FRMD4A: variants seen among roughly 807,000 people sequenced by gnomAD.
The protein encoded by FRMD4A is FERM domain-containing protein 4A.
Under a neutral mutation model 129.1 loss-of-function variants are expected in FRMD4A, and 29 were observed. That is an observed-to-expected ratio of 0.22 (90% confidence interval 0.17 to 0.31). The LOEUF (loss-of-function observed/expected upper bound fraction) is 0.31. Ranked by LOEUF, FRMD4A falls within the 10% of genes least tolerant of loss-of-function variation. The pLI is 1.00. For missense variants in FRMD4A, 1,272 were observed against 1,375.8 expected (o/e 0.92, Z 1.19); for synonymous variants, 634 against 571.6 (o/e 1.11, Z -1.56).
intron 15 of FRMD4A, chr10:13,685,016 A>T: frequency 1.0e-6 from 1 of 984,378 alleles, no homozygotes; most frequent in Non-Finnish European, 1.2e-6. Flanking sequence ...TATTTCCTTG[A>T]CAAATCCTCA....
At chr10:14,165,655 C>G (rs1027601165) in intron 2 of FRMD4A, among the ~76,000 whole-genome samples, 2 of 152,170 alleles carry the variant, frequency 1.3e-5, no homozygotes, top group South Asian at 2.1e-4. Flanking sequence ...TACATATACA[C>G]CATAGAATAC....
At chr10:13,971,169 C>T (rs1271551692) in intron 2 of FRMD4A, among the ~76,000 whole-genome samples, 3 of 152,166 alleles carry the variant, frequency 2.0e-5, no homozygotes, top group Non-Finnish European at 4.4e-5. Context: ...CACAGGCACA[C>T]ACATGCATGC....
intron 4 of FRMD4A, among the ~76,000 whole-genome samples, chr10:13,804,490 G>A (rs2093321721): frequency 6.7e-6 from 1 of 150,126 alleles, no homozygotes; most frequent in Non-Finnish European, 1.5e-5. Context: ...CCTGGCAGTG[G>A]TTCTAAAGAT....
intron 2 of FRMD4A, among the ~76,000 whole-genome samples, chr10:14,023,181 C>T (rs187728231): frequency 2.6e-5 from 4 of 152,164 alleles, no homozygotes; most frequent in Non-Finnish European, 5.9e-5. Flanking sequence ...CCCTTCTGGA[C>T]GCATTCCTCC....
intron 14 of FRMD4A, among the ~76,000 whole-genome samples, chr10:13,695,574 T>C (rs954307587): frequency 6.6e-6 from 1 of 152,238 alleles, no homozygotes; most frequent in African/African-American, 2.4e-5. Context: ...TTTGTGAGTG[T>C]GCTGAAGGCA....
chr10:14,054,552 A>G (rs1419223999), intron 2 of FRMD4A, among the ~76,000 whole-genome samples: 2 of 151,952 alleles, frequency 1.3e-5, no homozygotes, highest in East Asian at 3.9e-4. Flanking sequence ...AGTCTTCTAC[A>G]CAGCCAGCAT....
intron 15 of FRMD4A, chr10:13,684,845 G>A: frequency 1.0e-6 from 1 of 980,178 alleles, no homozygotes; most frequent in Middle Eastern, 5.2e-4. Flanking sequence ...GAAGGGAAAT[G>A]ACAATCCGTC....
intron 2 of FRMD4A, among the ~76,000 whole-genome samples, chr10:13,956,022 C>T (rs2095408091): frequency 6.6e-6 from 1 of 152,144 alleles, no homozygotes; most frequent in Non-Finnish European, 1.5e-5. Context: ...AGGGATCTTC[C>T]TAGAAAGGCA....
intron 2 of FRMD4A, among the ~76,000 whole-genome samples, chr10:14,116,918 G>GT (rs199633998): frequency 0.01 from 1,594 of 152,318 alleles, 21 homozygotes; most frequent in African/African-American, 0.036. Context: ...TTCTTGGTTT[G>GT]TTTTTGGTTA....
chr10:14,126,078 T>C (rs1838823017), intron 2 of FRMD4A, among the ~76,000 whole-genome samples: 1 of 151,914 alleles, frequency 6.6e-6, no homozygotes, highest in Non-Finnish European at 1.5e-5. Flanking sequence ...CGTCCAACCA[T>C]ACAATTGTCC....
At chr10:13,981,080 A>G (rs975646400) in intron 2 of FRMD4A, among the ~76,000 whole-genome samples, 7 of 152,340 alleles carry the variant, frequency 4.6e-5, no homozygotes, top group African/African-American at 1.4e-4. Flanking sequence ...AGATAAAAAT[A>G]TATGCATTTG....
At chr10:13,994,782 C>T (rs2095616613) in intron 2 of FRMD4A, among the ~76,000 whole-genome samples, 1 of 152,160 alleles carries the variant, frequency 6.6e-6, no homozygotes, top group African/African-American at 2.4e-5. Context: ...GATCCAGGAA[C>T]ACCGGCCCTG....
intron 2 of FRMD4A, among the ~76,000 whole-genome samples, chr10:14,329,829 T>G (rs1340711342): frequency 6.6e-6 from 1 of 152,230 alleles, no homozygotes; most frequent in Admixed American, 6.5e-5. Context: ...GCTCTCAAAA[T>G]AGCATTCAGC....
intron 2 of FRMD4A, among the ~76,000 whole-genome samples, chr10:14,200,429 G>C (rs1282081163): frequency 7.2e-6 from 1 of 138,892 alleles, no homozygotes; most frequent in African/African-American, 2.5e-5. Context: ...GAGTAGCTGG[G>C]ACCACAGGCA....
rs571506251 is a variant in FRMD4A, at chr10:14,240,343, G to A, written c.45+89715C>T. Among the ~76,000 whole-genome samples, 328 of 152,188 alleles carry A rather than the reference G, an allele frequency of 2.2e-3. 2 individuals are homozygous for A. Among genetic ancestry groups the A allele is most frequent in the Non-Finnish European group, 2.2e-3 (151 of 68,016 alleles). ...AGTGCTTTCTTTTCCCGGTGTGTGCGTGACATTTCTATCATGTGGCATTCT... is the reference window on the plus strand; with the variant it reads ...AGTGCTTTCTTTTCCCGGTGTGTGCATGACATTTCTATCATGTGGCATTCT... On this transcript the variant is annotated intron_variant, in intron 2 of 24. Transcript: ENST00000357447.
chr10:13,865,949 T>C (rs2094361947), intron 2 of FRMD4A, among the ~76,000 whole-genome samples: 1 of 152,068 alleles, frequency 6.6e-6, no homozygotes, highest in South Asian at 2.1e-4. Flanking sequence ...AGCTGTTTAG[T>C]GAGATGTTCA....
At position 14,302,070 on chromosome 10, in the gene FRMD4A, T is replaced by C. The variant is rs72780831; in HGVS notation, c.45+27988A>G. Among the ~76,000 whole-genome samples the C allele has an allele frequency of 5.9e-3, 891 of 152,292 alleles. 21 individuals are homozygous for C. The South Asian group carries it at 0.063, about 11-fold the overall frequency. On this transcript the variant is annotated intron_variant, in intron 2 of 24. Coordinates refer to ENST00000357447, the MANE Select transcript of FRMD4A (RefSeq NM_018027.5). ...AGCTATGGAATAAATCCCATCGTAA[T>C]GGAAAGGGTTTGATTTTTGTATAGT...
chr10:14,116,186 C>A (rs946236974), intron 2 of FRMD4A, among the ~76,000 whole-genome samples: 4 of 152,164 alleles, frequency 2.6e-5, no homozygotes, highest in African/African-American at 9.7e-5. Context: ...AAATTGCATG[C>A]CTTGCATCAT....
chr10:14,159,824 C>T (rs982169009), intron 2 of FRMD4A, among the ~76,000 whole-genome samples: 4 of 152,142 alleles, frequency 2.6e-5, no homozygotes, highest in Non-Finnish European at 4.4e-5. Context: ...CCAAGGTAGG[C>T]GGATTGCCTG....
Sources: gnomAD v4.1 joint callset for allele counts (sites outside exome capture counted in the v4.1 genomes callset) on GRCh38, gnomAD v4.1.1 for gene constraint, MANE v1.5 for transcripts, NCBI Gene and HGNC (gene_info 2026-07-23, HGNC 2026-07-21) for gene names.